ARFGEF3: variants seen among roughly 807,000 people sequenced by gnomAD.
ARFGEF3 encodes the protein brefeldin A-inhibited guanine nucleotide-exchange protein 3.
Under a neutral mutation model 221.7 loss-of-function variants are expected in ARFGEF3, and 96 were observed. The ratio of observed to expected loss-of-function variants is 0.43; its 90% CI spans 0.37 to 0.51. ARFGEF3 has a LOEUF of 0.51. Ranked by LOEUF, ARFGEF3 falls within the 20% of genes least tolerant of loss-of-function variation. The probability of loss-of-function intolerance (pLI) is 0.00; values close to 1 mark genes in which losing one functional copy is unlikely to be tolerated. For synonymous variants in ARFGEF3, 1,145 were observed against 1,126.8 expected, an observed-to-expected ratio of 1.02 and a Z score of -0.32; for missense variants, 2,410 against 2,789.9, an observed-to-expected ratio of 0.86 and a Z score of 3.07.
chr6:138,223,404 G>T (rs759120728), intron 4 of ARFGEF3, among the ~76,000 whole-genome samples: 1 of 152,102 alleles, frequency 6.6e-6, no homozygotes, highest in Non-Finnish European at 1.5e-5. Context: ...TTTGAAATGC[G>T]CCTGGCATTA....
In ARFGEF3 at chr6:138,343,088, C is replaced by T. The variant is rs981005371; in HGVS notation, c.*6602C>T. ...TGGGAATTCAGTGAAATCATGTTAA[C>T]TCATATAGAGGGGGCCTTAGTTTAT... On this transcript the variant is annotated 3_prime_UTR_variant, in exon 34 of 34. Coordinates refer to ENST00000251691, the MANE Select transcript of ARFGEF3 (RefSeq NM_020340.5). 6.6e-6 allele frequency: 1 copy of T among 151,942 alleles called. No homozygotes were observed. The highest frequency in any genetic ancestry group is 1.5e-5 in the Non-Finnish European group (1 of 67,998). The allele number at this position is 151,942 out of a possible 1,614,324, so 9.4% of individuals were successfully genotyped here.
chr6:138,180,855 G>A (rs896384364), intron 2 of ARFGEF3, among the ~76,000 whole-genome samples: 5 of 152,188 alleles, frequency 3.3e-5, no homozygotes, highest in Admixed American at 3.3e-4. Context: ...GGAGAGAGTG[G>A]CACATGGACT....
intron 2 of ARFGEF3, among the ~76,000 whole-genome samples, chr6:138,180,667 C>T (rs897595970): frequency 5.9e-5 from 9 of 152,224 alleles, no homozygotes; most frequent in South Asian, 2.1e-4. Context: ...TCAGATTTAG[C>T]GAATTCTTTA....
chr6:138,290,013 G>A, intron 18 of ARFGEF3, 45 bp downstream of exon 18: 1 of 1,569,212 alleles, frequency 6.4e-7, no homozygotes, highest in Non-Finnish European at 8.6e-7. Flanking sequence ...ACCCTGCCTT[G>A]GGAAACCTGG....
chr6:138,197,257 C>T lies in ARFGEF3; in HGVS notation c.138-9785C>T, dbSNP rs996541821. Among the ~76,000 whole-genome samples, 6 of 152,310 alleles carry T rather than the reference C, an allele frequency of 3.9e-5. No individual in the cohort carries two copies. The South Asian group carries it at 1.2e-3, about 32-fold the overall frequency. On this transcript the variant is annotated intron_variant, in intron 2 of 33. Coordinates refer to ENST00000251691, the MANE Select transcript of ARFGEF3 (RefSeq NM_020340.5). ...TGTCTTCCACCTCCATATCTTGTCC[C>T]ACTGGAAGGTCTTCAGGGTCAGTAA...
chr6:138,238,478 CAT>C (rs759695056), intron 5 of ARFGEF3, 29 bp from the exon 6 acceptor site: 21 of 1,605,384 alleles, frequency 1.3e-5, no homozygotes, highest in Non-Finnish European at 1.7e-5. Flanking sequence ...TACCTGCAGA[CAT>C]GTGTGTTGCT....
rs111715007 is a variant in ARFGEF3 at position 138,289,994 on chromosome 6, A to C, written c.3047+26A>C. The C allele has an allele frequency of 1.3e-5, 20 of 1,598,112 alleles. No individual in the cohort carries two copies. In the African/African-American group the frequency reaches 2.3e-4, roughly 18 times the overall value. ...GTGCATGACGGGCTCCCACCCCCAGATGGCACTAACCCTGCCTTGGGAAAC... is the reference window on the plus strand; with the variant it reads ...GTGCATGACGGGCTCCCACCCCCAGCTGGCACTAACCCTGCCTTGGGAAAC... On this transcript the variant is annotated intron_variant, in intron 18 of 33. Coordinates refer to ENST00000251691, the MANE Select transcript of ARFGEF3 (RefSeq NM_020340.5).
intron 14 of ARFGEF3, among the ~76,000 whole-genome samples, chr6:138,281,239 A>G (rs1418140591): frequency 1.3e-5 from 2 of 152,104 alleles, no homozygotes; most frequent in Non-Finnish European, 2.9e-5. Flanking sequence ...TAAGGTTGCA[A>G]TGGCTTGTGA....
intron 12 of ARFGEF3, among the ~76,000 whole-genome samples, chr6:138,264,140 C>T (rs1333831989): frequency 6.6e-6 from 1 of 152,082 alleles, no homozygotes; most frequent in Non-Finnish European, 1.5e-5. Context: ...TCAGATCCTT[C>T]CATCTGTTGA....
At chr6:138,200,979 GA>G (rs1437669885) in intron 2 of ARFGEF3, among the ~76,000 whole-genome samples, 17 of 151,996 alleles carry the variant, frequency 1.1e-4, no homozygotes, top group Middle Eastern at 3.4e-3. Context: ...AAATCAGTAA[GA>G]AAAAAACAAT....
Position 138,340,283 on chromosome 6 carries a change from T to C in ARFGEF3, c.*3797T>C, listed in dbSNP as rs1290350244. 6.6e-6 allele frequency: 1 copy of C among 152,232 alleles called. No homozygotes were observed. The highest frequency in any genetic ancestry group is 6.5e-5 in the Admixed American group (1 of 15,282). 9.4% of individuals were successfully genotyped at this position (152,232 alleles called of 1,614,324 possible). ...CAAAAATGTTAATATAATTCAGAAG[T>C]ACCTTGAAATTGAAACATATTTGTG... On this transcript the variant is annotated 3_prime_UTR_variant, in exon 34 of 34. Transcript: ENST00000251691.
intron 2 of ARFGEF3, among the ~76,000 whole-genome samples, chr6:138,182,725 C>T (rs577497472): frequency 1.3e-5 from 2 of 152,286 alleles, no homozygotes; most frequent in East Asian, 1.9e-4. Flanking sequence ...CTTACCTCTC[C>T]ACCTTCTGCT....
chr6:138,272,180 G>C (rs537706512), intron 12 of ARFGEF3, among the ~76,000 whole-genome samples: 1 of 88,252 alleles, frequency 1.1e-5, no homozygotes, highest in Non-Finnish European at 2.1e-5. Context: ...TATGAGACAA[G>C]AGTCTCGCTC....
chr6:138,178,418 C>T (rs557133153), intron 2 of ARFGEF3, among the ~76,000 whole-genome samples: 1 of 152,172 alleles, frequency 6.6e-6, no homozygotes, highest in Non-Finnish European at 1.5e-5. Context: ...TTATAACATG[C>T]AGCCTTTCTC....
chr6:138,252,609 G>C (rs1217371288), intron 8 of ARFGEF3, among the ~76,000 whole-genome samples: 2 of 152,082 alleles, frequency 1.3e-5, no homozygotes, highest in Admixed American at 6.6e-5. Flanking sequence ...GAGCCTTTCT[G>C]TTCCTTCCAC....
chr6:138,167,068 T>G (rs1407281214), intron 1 of ARFGEF3, among the ~76,000 whole-genome samples: 2 of 152,120 alleles, frequency 1.3e-5, no homozygotes, highest in Non-Finnish European at 2.9e-5. Flanking sequence ...GGCAGACCAT[T>G]CTCATTCCCA....
chr6:138,320,947 G>C (rs201692149), intron 28 of ARFGEF3, among the ~76,000 whole-genome samples, 164 bp from the exon 29 acceptor site: 1 of 41,828 alleles, frequency 2.4e-5, no homozygotes, highest in Non-Finnish European at 4.6e-5. Flanking sequence ...GGTTTTGGCG[G>C]GGGGGGGCAG....
chr6:138,263,206 A>G lies in ARFGEF3; in HGVS notation c.1723A>G (p.Thr575Ala), dbSNP rs1395477530. The G allele has an allele frequency of 6.2e-7, 1 of 1,614,008 alleles. No individual in the cohort carries two copies. Among genetic ancestry groups the G allele is most frequent in the Non-Finnish European group, 8.5e-7 (1 of 1,179,892 alleles). ...CCACACGGTCCCTTACCCTGACATA[A>G]CTAACTTCCTGTCAGTAGACTGCAG... ...RSHTVPYPDI[T>A]NFLSVDCRTR... Residue 575 changes from threonine to alanine, a missense_variant, in exon 12 of 34, where the codon ACT becomes GCT. Coordinates refer to ENST00000251691, the MANE Select transcript of ARFGEF3 (RefSeq NM_020340.5).
rs749359315 is a variant in ARFGEF3, at chr6:138,336,325, A to G, written c.6373A>G (p.Asn2125Asp). ...AWTNMVLTVL[N>D]QIQILPDQTF... is the part of the protein sequence containing the mutation. ...GACCAACATGGTGCTAACAGTTCTC[A>G]ATCAGATTCAGATTCTCCCAGACCA... The change falls in exon 34 of 34, where the codon AAT (asparagine) becomes GAT (aspartate). Residue 2125 changes from asparagine to aspartate, a missense_variant. Asn to Asp is a conservative substitution (Grantham distance 23, BLOSUM62 1). Transcript: ENST00000251691. 2 of 1,602,020 alleles carry G rather than the reference A, an allele frequency of 1.2e-6. No homozygotes were observed. Among genetic ancestry groups the G allele is most frequent in the Non-Finnish European group, 1.7e-6 (2 of 1,174,710 alleles).
Sources: gnomAD v4.1 joint callset for allele counts (sites outside exome capture counted in the v4.1 genomes callset) on GRCh38, gnomAD v4.1.1 for gene constraint, MANE v1.5 for transcripts, NCBI Gene and HGNC (gene_info 2026-07-23, HGNC 2026-07-21) for gene names.